Variants in ELFN2 observed in about 807,000 individuals in gnomAD.
ELFN2 encodes extracellular leucine rich repeat and fibronectin type III domain containing 2.
In ELFN2, 17 loss-of-function variants were observed where a neutral mutation model predicts 45.5. That is an observed-to-expected ratio of 0.37 (90% CI 0.26 to 0.56). The LOEUF is 0.56. Ranked by LOEUF, ELFN2 falls within the 20% of genes least tolerant of loss-of-function variation. The pLI, the probability that ELFN2 is intolerant of heterozygous loss-of-function variation, is 0.77. For synonymous variants in ELFN2, 550 were observed against 551.5 expected (o/e 1.00, Z 0.04); for missense variants, 922 against 1,183.2 (o/e 0.78, Z 3.24).
intron 2 of ELFN2, among the ~76,000 whole-genome samples, chr22:37,411,844 CTG>C (rs1391734328): frequency 6.6e-6 from 1 of 152,168 alleles, no homozygotes; most frequent in African/African-American, 2.4e-5. Context: ...GATAAGAAAA[CTG>C]AGACCAGGAC....
At chr22:37,401,745 C>T (rs1029547115) in intron 2 of ELFN2, among the ~76,000 whole-genome samples, 18 of 152,310 alleles carry the variant, frequency 1.2e-4, no homozygotes, top group African/African-American at 2.9e-4. Flanking sequence ...TGCATGCAAA[C>T]GAGGGGCATA....
intron 1 of ELFN2, among the ~76,000 whole-genome samples, chr22:37,362,079 G>C (rs1024500079): frequency 6.6e-6 from 1 of 152,306 alleles, no homozygotes; most frequent in Non-Finnish European, 1.5e-5. Context: ...AAACATGTCC[G>C]GGGCCAACTG....
chr22:37,360,764 T>C (rs974208947), intron 1 of ELFN2, among the ~76,000 whole-genome samples: 5 of 152,020 alleles, frequency 3.3e-5, no homozygotes, highest in African/African-American at 1.2e-4. Context: ...AACTGAAATA[T>C]CAGACACAAA....
rs770043878 is a variant in ELFN2 at position 37,369,239 on chromosome 22, C to T, written c.*3833G>A. The T allele has an allele frequency of 1.3e-5, 2 of 152,252 alleles. No individual in the cohort carries two copies. The highest frequency in any genetic ancestry group is 2.9e-5 in the Non-Finnish European group (2 of 68,076). The allele number at this position is 152,252 out of a possible 1,614,324, so 9.4% of individuals were successfully genotyped here. ...AGGAGGGAGTGGGGCAGGCGACCAA[C>T]TTCCAGTTGAGAACATGGGTGACTC... On this transcript the variant is annotated 3_prime_UTR_variant, in exon 3 of 3. Transcript: ENST00000402918.
chr22:37,415,934 G>A (rs1229926245), intron 2 of ELFN2, among the ~76,000 whole-genome samples: 6 of 152,226 alleles, frequency 3.9e-5, no homozygotes. Flanking sequence ...CTGCACTCCA[G>A]CCTGGGTGAC....
intron 1 of ELFN2, among the ~76,000 whole-genome samples, chr22:37,345,616 C>T (rs186530046): frequency 2.0e-5 from 3 of 150,642 alleles, no homozygotes; most frequent in Admixed American, 6.6e-5. Flanking sequence ...GACACAATCT[C>T]AGCTCACTGC....
At chr22:37,349,549 G>A (rs981457250) in intron 1 of ELFN2, among the ~76,000 whole-genome samples, 13 of 151,066 alleles carry the variant, frequency 8.6e-5, no homozygotes, top group East Asian at 7.7e-4. Context: ...GCCCCAGCAC[G>A]GGGACCCCCT....
chr22:37,391,141 G>A (rs1223664126), intron 2 of ELFN2, among the ~76,000 whole-genome samples: 1 of 152,212 alleles, frequency 6.6e-6, no homozygotes, highest in Admixed American at 6.5e-5. Flanking sequence ...GGCTCTGGTG[G>A]GGATGACAGG....
chr22:37,402,413 C>T (rs972534199), intron 2 of ELFN2, among the ~76,000 whole-genome samples: 1 of 152,236 alleles, frequency 6.6e-6, no homozygotes, highest in South Asian at 2.1e-4. Flanking sequence ...TATTGCCCTA[C>T]ACAGACCAGA....
intron 1 of ELFN2, among the ~76,000 whole-genome samples, chr22:37,355,681 C>T (rs1930932445): frequency 6.6e-6 from 1 of 152,224 alleles, no homozygotes. Flanking sequence ...GGGCCCAACT[C>T]CTGGTGACTG....
chr22:37,397,300 C>T (rs943603969), intron 2 of ELFN2, among the ~76,000 whole-genome samples: 1 of 152,216 alleles, frequency 6.6e-6, no homozygotes, highest in African/African-American at 2.4e-5. Context: ...GGAGAAGGCA[C>T]CCAGGGAGTG....
rs1212494533 is a variant in ELFN2, at chr22:37,375,217, C to T, written c.318G>A (p.Gln106=). Residue 106 remains glutamine (Q), a synonymous_variant, in exon 3 of 3, where the codon CAG becomes CAA. Coordinates refer to ENST00000402918, the MANE Select transcript of ELFN2 (RefSeq NM_052906.5). ...DGAFLGQSSL[Q]VLQLGYNKLS... The stretch of plus-strand genomic sequence containing the variant: ...GCTTGTTGTAGCCCAGCTGCAGGAC[C>T]TGCAGGCTCGACTGGCCCAGGAAGG... 5.0e-6 allele frequency: 8 copies of T among 1,614,028 alleles called. No individual in the cohort carries two copies. In the African/African-American group the frequency reaches 5.3e-5, roughly 11 times the overall value.
intron 2 of ELFN2, among the ~76,000 whole-genome samples, chr22:37,406,210 G>T (rs1018107641): frequency 2.6e-5 from 4 of 152,158 alleles, no homozygotes; most frequent in African/African-American, 9.7e-5. Flanking sequence ...ATTGTCCCGA[G>T]GGCTGAACGA....
At chr22:37,363,411 G>A (rs538063470), downstream of ELFN2, among the ~76,000 whole-genome samples, 2 of 152,286 alleles carry the variant, frequency 1.3e-5, no homozygotes, top group African/African-American at 4.8e-5. Context: ...CAGGGGAGGC[G>A]AGAGTTGCTG....
At chr22:37,391,257 A>G (rs1932079537) in intron 2 of ELFN2, among the ~76,000 whole-genome samples, 1 of 152,120 alleles carries the variant, frequency 6.6e-6, no homozygotes, top group Admixed American at 6.5e-5. Flanking sequence ...CTGGTTTTAC[A>G]TCCACCTTCT....
chr22:37,416,263 G>A (rs1189086727), intron 2 of ELFN2, among the ~76,000 whole-genome samples: 1 of 152,220 alleles, frequency 6.6e-6, no homozygotes, highest in Non-Finnish European at 1.5e-5. Flanking sequence ...ACTCAACGGT[G>A]TCAGAGAGAC....
chr22:37,379,361 G>T (rs1225946044), intron 2 of ELFN2, among the ~76,000 whole-genome samples: 1 of 152,158 alleles, frequency 6.6e-6, no homozygotes, highest in Non-Finnish European at 1.5e-5. Context: ...GGGCGCAGAG[G>T]CCTCTTCTGC....
intron 1 of ELFN2, among the ~76,000 whole-genome samples, chr22:37,357,648 C>T (rs1027625122): frequency 2.0e-5 from 3 of 152,180 alleles, no homozygotes; most frequent in Middle Eastern, 3.2e-3. Context: ...ACGTGGCTCA[C>T]GTTAAATGCC....
At chr22:37,390,261 G>A (rs546767097) in intron 2 of ELFN2, among the ~76,000 whole-genome samples, 15 of 152,324 alleles carry the variant, frequency 9.8e-5, no homozygotes, top group Non-Finnish European at 2.2e-4. Context: ...CAGGAGAGTC[G>A]GGTGCGAATG....
Sources: allele counts gnomAD v4.1 joint callset (sites outside exome capture counted in the v4.1 genomes callset), GRCh38; gene constraint gnomAD v4.1.1; transcripts MANE v1.5; gene names NCBI Gene and HGNC (gene_info 2026-07-23, HGNC 2026-07-21).